Variants in REV3L observed in about 807,000 individuals in gnomAD.
REV3L encodes DNA polymerase zeta catalytic subunit.
Under a neutral mutation model 299.4 loss-of-function variants are expected in REV3L, and 69 were observed. The ratio of observed to expected loss-of-function variants is 0.23; its 90% CI spans 0.19 to 0.28. REV3L has a LOEUF of 0.28. Ranked by LOEUF, REV3L falls within the 10% of genes least tolerant of loss-of-function variation. The probability of loss-of-function intolerance (pLI) is 1.00; values close to 1 mark genes in which losing one functional copy is unlikely to be tolerated. For synonymous variants in REV3L, 1,238 were observed against 1,271.4 expected (o/e 0.97, Z 0.56); for missense variants, 3,128 against 3,693.8 (o/e 0.85, Z 3.97).
intron 1 of REV3L, among the ~76,000 whole-genome samples, chr6:111,422,236 C>A (rs1238177899): frequency 2.6e-5 from 4 of 152,058 alleles, no homozygotes; most frequent in Non-Finnish European, 5.9e-5. Context: ...GGCTCTGTAG[C>A]AAATCCTGCT....
chr6:111,318,371 A>T (rs1773765245), intron 26 of REV3L, among the ~76,000 whole-genome samples: 1 of 151,908 alleles, frequency 6.6e-6, no homozygotes, highest in South Asian at 2.1e-4. Flanking sequence ...GATGGTCTCC[A>T]TCTGCCCGCC....
intron 1 of REV3L, among the ~76,000 whole-genome samples, chr6:111,433,508 A>G (rs1347278368): frequency 1.3e-5 from 2 of 152,172 alleles, no homozygotes; most frequent in Non-Finnish European, 2.9e-5. Flanking sequence ...GGTTGAATCA[A>G]GGAGAAAGAG....
At chr6:111,330,969 T>TCA (rs1775318509) in intron 24 of REV3L, 1 of 984,758 alleles carries the variant, frequency 1.0e-6, no homozygotes, top group Non-Finnish European at 1.2e-6. Flanking sequence ...ACTTTTGATA[T>TCA]AGTACACCAG....
Position 111,351,719 on chromosome 6 carries a change from G to A in REV3L, c.7257C>T (p.Ala2419=), listed in dbSNP as rs373188557. ...TCCGACATAAGTCAATACTTAAAGC[G>A]GCAGCCCTTTGTAAGAGGTAACCCC... ...HSWGYLLQRA[A]ALSIDLCRMI... is the part of the protein sequence containing the mutation. Residue 2419 remains alanine, a synonymous_variant, in exon 19 of 32, where the codon GCC becomes GCT. Coordinates refer to ENST00000368802, the MANE Select transcript of REV3L (RefSeq NM_001372078.1). 480 of 1,613,412 alleles carry A rather than the reference G, an allele frequency of 3.0e-4. 1 individual carries two copies. Among genetic ancestry groups the A allele is most frequent in the Non-Finnish European group, 3.9e-4 (465 of 1,179,722 alleles).
In REV3L at chr6:111,299,401, T is replaced by G. The variant is rs920386153; in HGVS notation, c.*615A>C. 1.0e-4 allele frequency: 7 copies of G among 67,904 alleles called. 1 individual carries two copies. The highest frequency in any genetic ancestry group is 2.4e-4 in the African/African-American group (7 of 28,884). 4.2% of individuals were successfully genotyped at this position (67,904 alleles called of 1,614,324 possible). On this transcript the variant is annotated 3_prime_UTR_variant, in exon 32 of 32. Transcript: ENST00000368802. ...AATAGCTAAAGCAAGACAGCATTTT[T>G]TAAAAAAAAATAATGTTTCAAAATG...
Position 111,373,848 on chromosome 6 carries a change from T to C in REV3L, c.4507A>G (p.Thr1503Ala). 1 of 1,614,140 alleles carries C rather than the reference T, an allele frequency of 6.2e-7. No homozygotes were observed. The highest frequency in any genetic ancestry group is 8.5e-7 in the Non-Finnish European group (1 of 1,179,992). ...PRSLSEAISQTKALSQCKNRN... is the reference protein window; with the variant it reads ...PRSLSEAISQAKALSQCKNRN... Reference sequence around the variant, plus strand: ...TTTTTACACTGAGAAAGTGCTTTGGTTTGTGAAATTGCTTCTGATAACGAC... The same window carrying C: ...TTTTTACACTGAGAAAGTGCTTTGGCTTGTGAAATTGCTTCTGATAACGAC... The change falls in exon 13 of 32, where the codon ACC becomes GCC. Residue 1503 changes from threonine (T) to alanine (A), a missense_variant. Transcript: ENST00000368802.
chr6:111,444,210 T>C (rs529179555), intron 1 of REV3L, among the ~76,000 whole-genome samples: 43 of 152,340 alleles, frequency 2.8e-4, no homozygotes, highest in African/African-American at 9.9e-4. Context: ...GCCCATTGCA[T>C]AGTGCTAGAC....
chr6:111,440,877 G>C lies in REV3L; in HGVS notation c.140-24405C>G, dbSNP rs535970821. Among the ~76,000 whole-genome samples the C allele has an allele frequency of 3.3e-5, 5 of 152,184 alleles. No individual in the cohort carries two copies. The South Asian group carries it at 1.0e-3, about 32-fold the overall frequency. ...AATTTCACTGCACACAGAATAATTC[G>C]AGGTTGGTGTTTTTCTTTCAACACT... is the stretch of plus-strand genomic sequence containing the variant. On this transcript the variant is annotated intron_variant, in intron 1 of 31. Coordinates refer to ENST00000368802, the MANE Select transcript of REV3L (RefSeq NM_001372078.1).
rs1422850158 is a variant in REV3L, at chr6:111,464,430, A to T, written c.139+18320T>A. 3.3e-5 allele frequency among the ~76,000 whole-genome samples: 5 copies of T among 152,220 alleles called. No individual in the cohort carries two copies. The East Asian group carries it at 9.6e-4, about 29-fold the overall frequency. ...TGTATGGAATGGGACCTAAACAAAC[A>T]TTCAGCAGCATAGATAAAACATCTT... On this transcript the variant is annotated intron_variant, in intron 1 of 31. Coordinates refer to ENST00000368802, the MANE Select transcript of REV3L (RefSeq NM_001372078.1).
At chr6:111,445,095 C>A (rs1296182857) in intron 1 of REV3L, among the ~76,000 whole-genome samples, 1 of 152,156 alleles carries the variant, frequency 6.6e-6, no homozygotes. Context: ...GGCATGTGGC[C>A]AACTGCCTTG....
intron 4 of REV3L, among the ~76,000 whole-genome samples, chr6:111,402,626 G>C (rs920708547): frequency 6.6e-6 from 1 of 151,966 alleles, no homozygotes; most frequent in Non-Finnish European, 1.5e-5. Context: ...CACTATTCAC[G>C]GCAACAAAAA....
Position 111,389,092 on chromosome 6 carries a change from T to G in REV3L, c.862+14A>C. 1 of 1,572,868 alleles carries G rather than the reference T, an allele frequency of 6.4e-7. No homozygotes were observed. Among genetic ancestry groups the G allele is most frequent in the South Asian group, 1.1e-5 (1 of 89,950 alleles). ...TGATTTAAAAGAATAATCAGAGCAC[T>G]ATTAGGTTTATACCTTGTGACTCAG... On this transcript the variant is annotated intron_variant, in intron 7 of 31. Coordinates refer to ENST00000368802, the MANE Select transcript of REV3L (RefSeq NM_001372078.1).
chr6:111,362,203 CTGAA>C (rs1778760419), intron 16 of REV3L, among the ~76,000 whole-genome samples: 3 of 152,002 alleles, frequency 2.0e-5, no homozygotes, highest in Admixed American at 2.0e-4. Context: ...AAAACAGAAA[CTGAA>C]TGAATGCTGC....
chr6:111,367,597 GCTGTA>G lies in REV3L; in HGVS notation c.6186_6190del (p.Ala2064TyrfsTer6). The G allele has an allele frequency of 6.2e-7, 1 of 1,614,158 alleles. No individual in the cohort carries two copies. On this transcript the variant is annotated frameshift_variant, in exon 14 of 32. Coordinates refer to ENST00000368802, the MANE Select transcript of REV3L (RefSeq NM_001372078.1). LOFTEE classifies it high-confidence loss of function. ...ATTATCAACATCCTCCTTGGTATGT[GCTGTA>G]GTGGGGAGTATACATGGACTTACAT...
chr6:111,355,163 C>T (rs1274302377), intron 18 of REV3L, among the ~76,000 whole-genome samples: 5 of 151,926 alleles, frequency 3.3e-5, no homozygotes, highest in South Asian at 2.1e-4. Context: ...TATTACTTTT[C>T]GTGTTTGTCA....
chr6:111,398,400 C>T (rs1782746916), intron 4 of REV3L, among the ~76,000 whole-genome samples: 1 of 151,654 alleles, frequency 6.6e-6, no homozygotes, highest in South Asian at 2.1e-4. Context: ...ATTTATTCCT[C>T]TTTTACCCAT....
chr6:111,331,622 G>A lies in REV3L; in HGVS notation c.8034+54C>T. Reference sequence around the variant, plus strand: ...GCCAACAATATCTAAACCATTATCAGCTCTCCAAAAGTTAAGCCATAGTTG... The same window carrying A: ...GCCAACAATATCTAAACCATTATCAACTCTCCAAAAGTTAAGCCATAGTTG... On this transcript the variant is annotated intron_variant, in intron 24 of 31. Transcript: ENST00000368802. 5 of 1,211,608 alleles carry A rather than the reference G, an allele frequency of 4.1e-6. No individual in the cohort carries two copies. The South Asian group carries it at 6.8e-5, about 16-fold the overall frequency. 75.1% of individuals were successfully genotyped at this position (1,211,608 alleles called of 1,614,324 possible).
intron 14 of REV3L, among the ~76,000 whole-genome samples, chr6:111,366,351 A>G (rs1401646965): frequency 6.6e-6 from 1 of 152,172 alleles, no homozygotes; most frequent in Non-Finnish European, 1.5e-5. Context: ...GGGAATATAA[A>G]TTTGCGAGTT....
intron 1 of REV3L, among the ~76,000 whole-genome samples, chr6:111,468,337 T>C (rs958270126): frequency 2.5e-4 from 38 of 152,290 alleles, no homozygotes; most frequent in African/African-American, 9.1e-4. Flanking sequence ...TAAAAAGTAA[T>C]CTACCATAAG....
Sources: gnomAD v4.1 joint callset for allele counts (sites outside exome capture counted in the v4.1 genomes callset) on GRCh38, gnomAD v4.1.1 for gene constraint, MANE v1.5 for transcripts, NCBI Gene and HGNC (gene_info 2026-07-23, HGNC 2026-07-21) for gene names.